COX7B2: variants seen among roughly 807,000 people sequenced by gnomAD.
COX7B2 encodes the protein cytochrome c oxidase subunit 7B2, mitochondrial.
For missense variants in COX7B2, 109 were observed against 95.9 expected, an observed-to-expected ratio of 1.14 and a Z score of -0.57; for synonymous variants, 37 against 32.1, an observed-to-expected ratio of 1.15 and a Z score of -0.51.
At chr4:46,808,847 G>T (rs183919002) in intron 2 of COX7B2, among the ~76,000 whole-genome samples, 157 of 151,940 alleles carry the variant, frequency 1.0e-3, no homozygotes, top group African/African-American at 3.6e-3. Context: ...TGATTGATTT[G>T]CATATGTTCA....
rs947202944 is a variant in COX7B2, at chr4:46,767,254, T to C, written c.-49-32013A>G. The stretch of plus-strand genomic sequence containing the variant: ...AGACAATTTGAGTCAAAAATTGTCA[T>C]AGAAAGACAAACAATGTTACTATAT... On this transcript the variant is annotated intron_variant, in intron 2 of 2. Coordinates refer to ENST00000355591, the MANE Select transcript of COX7B2 (RefSeq NM_130902.3). Among the ~76,000 whole-genome samples, 13 of 152,312 alleles carry C rather than the reference T, an allele frequency of 8.5e-5. No individual in the cohort carries two copies. The East Asian group carries it at 2.3e-3, about 27-fold the overall frequency.
intron 1 of COX7B2, among the ~76,000 whole-genome samples, chr4:46,891,153 C>T (rs932134914): frequency 3.9e-5 from 6 of 152,092 alleles, no homozygotes; most frequent in African/African-American, 1.4e-4. Context: ...AGTAACTAGA[C>T]GTTACTGTTT....
intron 1 of COX7B2, among the ~76,000 whole-genome samples, chr4:46,846,637 C>T (rs534593590): frequency 2.0e-5 from 3 of 151,730 alleles, no homozygotes; most frequent in African/African-American, 7.3e-5. Context: ...AGCAAGTTAG[C>T]CACTATTCTG....
intron 2 of COX7B2, among the ~76,000 whole-genome samples, chr4:46,771,501 T>C (rs1002581075): frequency 1.3e-5 from 2 of 152,104 alleles, no homozygotes; most frequent in African/African-American, 4.8e-5. Context: ...ACAGGTTGAC[T>C]ATATCAGATT....
chr4:46,872,418 A>C (rs898028725), intron 1 of COX7B2, among the ~76,000 whole-genome samples: 5 of 152,144 alleles, frequency 3.3e-5, no homozygotes, highest in African/African-American at 1.2e-4. Context: ...CAGCAAACCC[A>C]TTACACGTGT....
At chr4:46,815,045 G>C (rs1361567548) in intron 2 of COX7B2, among the ~76,000 whole-genome samples, 1 of 152,004 alleles carries the variant, frequency 6.6e-6, no homozygotes, top group Non-Finnish European at 1.5e-5. Flanking sequence ...AATTAGCCAG[G>C]CGTGGTGGTG....
intron 1 of COX7B2, among the ~76,000 whole-genome samples, chr4:46,901,830 A>G (rs1410577250): frequency 6.6e-6 from 1 of 152,188 alleles, no homozygotes. Flanking sequence ...TCAAAGACTT[A>G]TATCAGTGGT....
At chr4:46,832,381 TAA>T (rs993085936) in intron 2 of COX7B2, among the ~76,000 whole-genome samples, 2 of 152,104 alleles carry the variant, frequency 1.3e-5, no homozygotes, top group Non-Finnish European at 2.9e-5. Context: ...GCTTCATTCT[TAA>T]AGTCAGTGAG....
chr4:46,876,404 CT>C (rs1213695191), intron 1 of COX7B2, among the ~76,000 whole-genome samples: 16,860 of 127,874 alleles, frequency 0.13, 592 homozygotes, highest in South Asian at 0.21. Flanking sequence ...GTCCTATTGT[CT>C]TTTTTTTTTT....
chr4:46,904,366 A>C (rs1720250674), intron 1 of COX7B2, among the ~76,000 whole-genome samples: 1 of 152,150 alleles, frequency 6.6e-6, no homozygotes, highest in African/African-American at 2.4e-5. Flanking sequence ...TAACAGTAAT[A>C]AATTCCTAAA....
At chr4:46,752,789 A>C (rs1715478901) in intron 2 of COX7B2, among the ~76,000 whole-genome samples, 1 of 152,146 alleles carries the variant, frequency 6.6e-6, no homozygotes, top group African/African-American at 2.4e-5. Flanking sequence ...GTGGTCAATA[A>C]GCTTTTTGAT....
chr4:46,786,041 T>C (rs943782606), intron 2 of COX7B2, among the ~76,000 whole-genome samples: 1 of 152,186 alleles, frequency 6.6e-6, no homozygotes, highest in African/African-American at 2.4e-5. Flanking sequence ...TTCAAAATAG[T>C]TCTTTTTGCT....
chr4:46,829,059 C>T (rs1714895652), intron 2 of COX7B2, among the ~76,000 whole-genome samples: 1 of 152,108 alleles, frequency 6.6e-6, no homozygotes, highest in Non-Finnish European at 1.5e-5. Flanking sequence ...ATTCTAAGCA[C>T]GTGATTGAGA....
At chr4:46,862,115 A>C (rs1172739791) in intron 1 of COX7B2, among the ~76,000 whole-genome samples, 1 of 152,156 alleles carries the variant, frequency 6.6e-6, no homozygotes, top group East Asian at 1.9e-4. Flanking sequence ...CCAGCAGCTC[A>C]AGGACTCCAA....
At chr4:46,872,942 A>T (rs941694621) in intron 1 of COX7B2, among the ~76,000 whole-genome samples, 1 of 151,954 alleles carries the variant, frequency 6.6e-6, no homozygotes, top group Admixed American at 6.6e-5. Flanking sequence ...CACCTACATT[A>T]GGTATTTCTC....
intron 2 of COX7B2, among the ~76,000 whole-genome samples, chr4:46,784,616 C>G (rs1717655301): frequency 6.6e-6 from 1 of 151,898 alleles, no homozygotes; most frequent in Non-Finnish European, 1.5e-5. Flanking sequence ...CAGGGCAAGA[C>G]TGTCTCAAAA....
chr4:46,868,699 T>C (rs548858931), intron 1 of COX7B2, among the ~76,000 whole-genome samples: 1 of 152,324 alleles, frequency 6.6e-6, no homozygotes, highest in South Asian at 2.1e-4. Context: ...TTCTTAGTCC[T>C]GACTTCTATT....
At chr4:46,826,144 C>T (rs532763263) in intron 2 of COX7B2, among the ~76,000 whole-genome samples, 23 of 151,846 alleles carry the variant, frequency 1.5e-4, no homozygotes, top group East Asian at 3.9e-4. Flanking sequence ...CAGTCTAACA[C>T]GCAGCATCTA....
At chr4:46,843,177 G>C (rs1248486573) in intron 2 of COX7B2, among the ~76,000 whole-genome samples, 1 of 151,874 alleles carries the variant, frequency 6.6e-6, no homozygotes, top group African/African-American at 2.4e-5. Flanking sequence ...CTTTAAGTCA[G>C]AAAGACCTGA....
Sources: allele counts gnomAD v4.1 joint callset (sites outside exome capture counted in the v4.1 genomes callset), GRCh38; gene constraint gnomAD v4.1.1; transcripts MANE v1.5; gene names NCBI Gene and HGNC (gene_info 2026-07-23, HGNC 2026-07-21).